PTCHD4: variants seen among roughly 807,000 people sequenced by gnomAD.
The protein encoded by PTCHD4 is patched domain-containing protein 4.
A neutral mutation model predicts 58.1 loss-of-function variants in PTCHD4; 33 were observed. The observed-to-expected ratio is 0.57, with a 90% CI of 0.43 to 0.76. The LOEUF is 0.76. Ranked by LOEUF, PTCHD4 falls within the 30% of genes least tolerant of loss-of-function variation. The pLI is 0.00. For missense variants in PTCHD4, 1,058 were observed against 1,027.1 expected (o/e 1.03, Z -0.41); for synonymous variants, 478 against 409.6 (o/e 1.17, Z -2.02).
At chr6:48,062,392 C>CT (rs1764660971) in intron 3 of PTCHD4, among the ~76,000 whole-genome samples, 1 of 152,038 alleles carries the variant, frequency 6.6e-6, no homozygotes, top group Non-Finnish European at 1.5e-5. Flanking sequence ...CTAAAGGAAA[C>CT]TATCATCAGA....
chr6:47,916,126 G>A (rs1765235173), intron 4 of PTCHD4, among the ~76,000 whole-genome samples: 1 of 152,104 alleles, frequency 6.6e-6, no homozygotes, highest in Admixed American at 6.5e-5. Flanking sequence ...TGGAGGACCT[G>A]ACATCAGTGG....
At chr6:48,024,759 G>C (rs1460413301) in intron 3 of PTCHD4, among the ~76,000 whole-genome samples, 1 of 152,080 alleles carries the variant, frequency 6.6e-6, no homozygotes, top group Non-Finnish European at 1.5e-5. Context: ...CTGCAGGCAA[G>C]ATTGCAAGAT....
chr6:47,958,232 G>A (rs1766944882), intron 4 of PTCHD4, among the ~76,000 whole-genome samples: 1 of 152,046 alleles, frequency 6.6e-6, no homozygotes, highest in Non-Finnish European at 1.5e-5. Flanking sequence ...ACAAATTAAA[G>A]TTCCAGTGAC....
chr6:48,090,784 A>T (rs1765351010), intron 1 of PTCHD4, among the ~76,000 whole-genome samples: 1 of 152,200 alleles, frequency 6.6e-6, no homozygotes, highest in Non-Finnish European at 1.5e-5. Context: ...TGTAATATTC[A>T]TCAACAGTTT....
intron 3 of PTCHD4, among the ~76,000 whole-genome samples, chr6:48,066,673 C>A (rs1764808980): frequency 1.3e-5 from 2 of 152,142 alleles, no homozygotes; most frequent in South Asian, 4.1e-4. Context: ...AGCAGGCAAA[C>A]CCTAACCTAG....
chr6:47,906,135 C>T (rs1404070236), intron 4 of PTCHD4, among the ~76,000 whole-genome samples: 1 of 152,198 alleles, frequency 6.6e-6, no homozygotes, highest in Non-Finnish European at 1.5e-5. Flanking sequence ...GTGGCCAAGA[C>T]TTACTCAATT....
At chr6:48,099,181 C>T (rs955102819) in intron 1 of PTCHD4, among the ~76,000 whole-genome samples, 1 of 152,156 alleles carries the variant, frequency 6.6e-6, no homozygotes, top group Non-Finnish European at 1.5e-5. Context: ...TTGGAGAGGG[C>T]TTTTCAAACT....
intron 3 of PTCHD4, among the ~76,000 whole-genome samples, chr6:48,011,287 G>T (rs1447695860): frequency 6.6e-6 from 1 of 152,162 alleles, no homozygotes; most frequent in South Asian, 2.1e-4. Flanking sequence ...GGCATGAGAT[G>T]GTATCTCATT....
rs977042114 is a variant in PTCHD4, at chr6:47,868,040, G to T, written c.*10263C>A. ...TTTTTGGAGACTTAGATATGTCAGG[G>T]TTTTTCTGAAACTTTCCAATGTGTT... On this transcript the variant is annotated 3_prime_UTR_variant, in exon 5 of 5. Coordinates refer to ENST00000339488, the MANE Select transcript of PTCHD4 (RefSeq NM_001384253.1). Among the ~76,000 whole-genome samples the T allele has an allele frequency of 1.2e-4, 18 of 151,614 alleles. No individual in the cohort carries two copies. The highest frequency in any genetic ancestry group is 3.9e-4 in the African/African-American group (16 of 41,360).
At chr6:48,082,193 A>G (rs527341766) in intron 1 of PTCHD4, among the ~76,000 whole-genome samples, 15 of 152,232 alleles carry the variant, frequency 9.9e-5, no homozygotes, top group Non-Finnish European at 2.1e-4. Flanking sequence ...TTCTGTAGCC[A>G]GCAGAGTTCA....
At chr6:47,967,781 T>C (rs1420809686) in intron 4 of PTCHD4, among the ~76,000 whole-genome samples, 1 of 152,228 alleles carries the variant, frequency 6.6e-6, no homozygotes, top group Non-Finnish European at 1.5e-5. Context: ...GCTTCAAACT[T>C]TTCTTCACAG....
intron 3 of PTCHD4, among the ~76,000 whole-genome samples, chr6:48,038,775 G>C (rs1396657888): frequency 6.6e-6 from 1 of 152,066 alleles, no homozygotes. Context: ...AAGAGACTGG[G>C]ATAATGAAAA....
Position 47,858,017 on chromosome 6 carries a change from G to T in PTCHD4, c.*20286C>A, listed in dbSNP as rs1461107644. Among the ~76,000 whole-genome samples the T allele has an allele frequency of 6.6e-6, 1 of 151,892 alleles. No individual in the cohort carries two copies. The highest frequency in any genetic ancestry group is 1.5e-5 in the Non-Finnish European group (1 of 67,942). On this transcript the variant is annotated 3_prime_UTR_variant, in exon 5 of 5. Transcript: ENST00000339488. ...CCCCAAACACAAACATTTCTGAAAC[G>T]TTTCAGTTGATTGAGCTTGTAAGCT...
chr6:47,897,185 T>C (rs571390637), intron 4 of PTCHD4, among the ~76,000 whole-genome samples: 86 of 152,270 alleles, frequency 5.6e-4, no homozygotes, highest in African/African-American at 2.0e-3. Context: ...ACATTTCTAC[T>C]CCTTCTTTTC....
At chr6:47,959,288 A>G (rs1322337020) in intron 4 of PTCHD4, among the ~76,000 whole-genome samples, 1 of 152,198 alleles carries the variant, frequency 6.6e-6, no homozygotes, top group East Asian at 1.9e-4. Flanking sequence ...CTGGGATAAA[A>G]ATATACTGTA....
chr6:48,045,723 G>T (rs955200531), intron 3 of PTCHD4, among the ~76,000 whole-genome samples: 1 of 151,176 alleles, frequency 6.6e-6, no homozygotes, highest in Non-Finnish European at 1.5e-5. Flanking sequence ...CAGCTATAAA[G>T]TAACAAGGCC....
intron 4 of PTCHD4, among the ~76,000 whole-genome samples, chr6:47,945,052 C>T (rs111660613): frequency 0.033 from 5,081 of 151,980 alleles, 152 homozygotes; most frequent in African/African-American, 0.075. Flanking sequence ...CCAAAGGTGA[C>T]GGAATCCATT....
At chr6:48,060,376 A>T (rs907287087) in intron 3 of PTCHD4, among the ~76,000 whole-genome samples, 1 of 152,232 alleles carries the variant, frequency 6.6e-6, no homozygotes, top group African/African-American at 2.4e-5. Context: ...TCCATCTGTC[A>T]TGAATACCTG....
chr6:48,031,268 T>C (rs1763428768), intron 3 of PTCHD4, among the ~76,000 whole-genome samples: 1 of 152,010 alleles, frequency 6.6e-6, no homozygotes, highest in African/African-American at 2.4e-5. Context: ...TCCTATCATA[T>C]CAGTTTAGCC....
Sources: gnomAD v4.1 joint callset for allele counts (sites outside exome capture counted in the v4.1 genomes callset) on GRCh38, gnomAD v4.1.1 for gene constraint, MANE v1.5 for transcripts, NCBI Gene and HGNC (gene_info 2026-07-23, HGNC 2026-07-21) for gene names.